Variants in CREB5 observed in about 807,000 individuals in gnomAD.
The protein encoded by CREB5 is cAMP responsive element binding protein 5, also known as cyclic AMP-responsive element-binding protein 5.
A neutral mutation model predicts 57.1 loss-of-function variants in CREB5; 19 were observed. The observed-to-expected ratio is 0.33, with a 90% CI of 0.23 to 0.49. The LOEUF (loss-of-function observed/expected upper bound fraction) is 0.49, where lower values mean the gene tolerates loss of function less well. Ranked by LOEUF, CREB5 falls within the 20% of genes least tolerant of loss-of-function variation. The pLI is 0.99. For synonymous variants in CREB5, 238 were observed against 238.3 expected (o/e 1.00, Z 0.01); for missense variants, 579 against 671.6 (o/e 0.86, Z 1.52).
intron 1 of CREB5, among the ~76,000 whole-genome samples, chr7:28,440,293 C>T (rs1789133611): frequency 6.6e-6 from 1 of 152,158 alleles, no homozygotes; most frequent in Non-Finnish European, 1.5e-5. Flanking sequence ...ACTTTAAGTA[C>T]CAGTCAGCGT....
At chr7:28,410,129 G>A (rs931019604), upstream of CREB5, 2 of 383,276 alleles carry the variant, frequency 5.2e-6, no homozygotes, top group African/African-American at 4.2e-5. Context: ...CACCTCTCCC[G>A]CCGGGCTGCC....
chr7:28,583,839 C>T (rs370204037), intron 5 of CREB5, among the ~76,000 whole-genome samples: 15 of 151,954 alleles, frequency 9.9e-5, no homozygotes, highest in African/African-American at 1.7e-4. Flanking sequence ...CCCCCACGCC[C>T]GGCTAATTTT....
intron 5 of CREB5, among the ~76,000 whole-genome samples, chr7:28,631,180 A>T (rs1798188267): frequency 6.6e-6 from 1 of 152,144 alleles, no homozygotes; most frequent in Non-Finnish European, 1.5e-5. Flanking sequence ...GATTTCAGGG[A>T]TGTTGATTCC....
intron 1 of CREB5, among the ~76,000 whole-genome samples, chr7:28,432,820 A>G (rs561220112): frequency 6.6e-6 from 1 of 152,334 alleles, no homozygotes; most frequent in African/African-American, 2.4e-5. Context: ...GAAAATAAAA[A>G]AGAAGAAGAA....
intron 5 of CREB5, among the ~76,000 whole-genome samples, chr7:28,660,260 T>A (rs1005220085): frequency 3.3e-5 from 5 of 152,180 alleles, no homozygotes; most frequent in African/African-American, 1.2e-4. Flanking sequence ...TGGCCTCAAA[T>A]GTCTTATCAG....
At chr7:28,326,167 ATC>A (rs1296375758) in intron 1 of CREB5, among the ~76,000 whole-genome samples, 4 of 134,218 alleles carry the variant, frequency 3.0e-5, no homozygotes, top group African/African-American at 1.1e-4. Context: ...CTATCTATCT[ATC>A]TATCTATCTA....
chr7:28,746,412 G>A (rs924089140), intron 7 of CREB5, among the ~76,000 whole-genome samples: 1 of 152,190 alleles, frequency 6.6e-6, no homozygotes, highest in Non-Finnish European at 1.5e-5. Flanking sequence ...GCTGCTCAAA[G>A]TGGGGTCCCT....
At chr7:28,626,540 A>G (rs1041040740) in intron 5 of CREB5, among the ~76,000 whole-genome samples, 1 of 152,174 alleles carries the variant, frequency 6.6e-6, no homozygotes, top group African/African-American at 2.4e-5. Flanking sequence ...TCTGGGATTC[A>G]AACCCAGGAA....
At chr7:28,584,381 T>C (rs1043164677) in intron 5 of CREB5, among the ~76,000 whole-genome samples, 4 of 152,148 alleles carry the variant, frequency 2.6e-5, no homozygotes, top group African/African-American at 4.8e-5. Context: ...GATGACATTG[T>C]GGAGGATTTG....
intron 1 of CREB5, among the ~76,000 whole-genome samples, chr7:28,443,519 G>A (rs1036286334): frequency 6.6e-6 from 1 of 152,176 alleles, no homozygotes; most frequent in African/African-American, 2.4e-5. Context: ...GACATACATA[G>A]TCCATAGAGG....
At chr7:28,787,223 T>C (rs1583743686) in intron 7 of CREB5, among the ~76,000 whole-genome samples, 1 of 152,198 alleles carries the variant, frequency 6.6e-6, no homozygotes, top group Admixed American at 6.5e-5. Flanking sequence ...CTGTGGCTCC[T>C]GAAAAGAAGT....
At chr7:28,722,947 G>T (rs1189988024) in intron 6 of CREB5, among the ~76,000 whole-genome samples, 3 of 152,282 alleles carry the variant, frequency 2.0e-5, no homozygotes, top group African/African-American at 2.4e-5. Flanking sequence ...TGCAGTCATG[G>T]AATCACAACA....
At chr7:28,324,373 C>A (rs1785543847) in intron 1 of CREB5, among the ~76,000 whole-genome samples, 1 of 152,186 alleles carries the variant, frequency 6.6e-6, no homozygotes, top group African/African-American at 2.4e-5. Flanking sequence ...ACTCCCCCTC[C>A]TGAAGCTGCT....
At chr7:28,607,794 T>TGTGTGTG in intron 5 of CREB5, among the ~76,000 whole-genome samples, 1 of 136,846 alleles carries the variant, frequency 7.3e-6, no homozygotes, top group Non-Finnish European at 1.6e-5. Flanking sequence ...TGTGTGTGTG[T>TGTGTGTG]TTTACCATGT....
intron 1 of CREB5, among the ~76,000 whole-genome samples, chr7:28,320,080 G>A (rs1785466652): frequency 6.6e-6 from 1 of 151,952 alleles, no homozygotes; most frequent in Non-Finnish European, 1.5e-5. Context: ...ACAGCTGCGT[G>A]CCACCATGCC....
chr7:28,598,977 T>C (rs1313479069), intron 5 of CREB5, among the ~76,000 whole-genome samples: 1 of 152,346 alleles, frequency 6.6e-6, no homozygotes, highest in Non-Finnish European at 1.5e-5. Context: ...CAACTCAGTA[T>C]GTTCTGATAC....
intron 1 of CREB5, among the ~76,000 whole-genome samples, chr7:28,398,930 G>A (rs1384709159): frequency 6.6e-6 from 1 of 152,066 alleles, no homozygotes; most frequent in African/African-American, 2.4e-5. Flanking sequence ...TGCCCAGGCT[G>A]GTCTCAAACT....
chr7:28,689,909 G>GGTGTGTGT (rs34310030), intron 5 of CREB5, among the ~76,000 whole-genome samples: 6,154 of 141,548 alleles, frequency 0.043, 211 homozygotes, highest in African/African-American at 0.092. Flanking sequence ...ACTTGTATTT[G>GGTGTGTGT]GTGTGTGTGT....
chr7:28,565,329 C>T (rs968751546), intron 4 of CREB5, among the ~76,000 whole-genome samples: 2 of 152,118 alleles, frequency 1.3e-5, no homozygotes, highest in Non-Finnish European at 2.9e-5. Context: ...TTACAGGCAG[C>T]TTGTTGTGTC....
Sources: gnomAD v4.1 joint callset for allele counts (sites outside exome capture counted in the v4.1 genomes callset) on GRCh38, gnomAD v4.1.1 for gene constraint, MANE v1.5 for transcripts, NCBI Gene and HGNC (gene_info 2026-07-23, HGNC 2026-07-21) for gene names.